The following BTN1A1 variants were observed in gnomAD, a reference collection of about 807,000 sequenced individuals.
BTN1A1 encodes the protein butyrophilin subfamily 1 member A1, also known as bK14H9.2 (butyrophilin, subfamily 1, member A1).
BTN1A1 carries 26 observed loss-of-function variants against 33.1 expected under a neutral mutation model. The ratio of observed to expected loss-of-function variants is 0.79; its 90% CI spans 0.58 to 1.09. The LOEUF (loss-of-function observed/expected upper bound fraction) is 1.09. BTN1A1 is among the 50% of genes least tolerant of loss of function. The pLI is 0.00. For missense variants in BTN1A1, 558 were observed against 655.7 expected (o/e 0.85, Z 1.63); for synonymous variants, 235 against 256.2 (o/e 0.92, Z 0.79).
chr6:26,506,544 G>T, intron 4 of BTN1A1, 139 bp from the exon 5 acceptor site: 1 of 830,674 alleles, frequency 1.2e-6, no homozygotes, highest in Non-Finnish European at 1.9e-6. Context: ...GAGTGGCATT[G>T]GAGTGACTAT....
At chr6:26,505,843 G>T (rs1184251879) in intron 4 of BTN1A1, among the ~76,000 whole-genome samples, 1 of 152,076 alleles carries the variant, frequency 6.6e-6, no homozygotes, top group Non-Finnish European at 1.5e-5. Context: ...AGTTGGCCGG[G>T]CGTGGTGGCT....
chr6:26,501,540 C>T lies in BTN1A1; in HGVS notation c.80-50C>T, dbSNP rs2295593. 0.13 allele frequency: 207,158 copies of T among 1,603,028 alleles called. 14,500 individuals are homozygous for T. Among genetic ancestry groups the T allele is most frequent in the African/African-American group, 0.21 (15,630 of 74,714 alleles). On this transcript the variant is annotated intron_variant, in intron 2 of 7. Coordinates refer to ENST00000684113, the MANE Select transcript of BTN1A1 (RefSeq NM_001732.3). The surrounding 1 kb of genome is among the most constrained non-coding windows in gnomAD (Gnocchi z 5.2). ...TGGCGGGAATCTGGTCGGTGTCTGTCCGTAGTTCCCATCTCCACATCCCGT... is the reference window on the plus strand; with the variant it reads ...TGGCGGGAATCTGGTCGGTGTCTGTTCGTAGTTCCCATCTCCACATCCCGT...
chr6:26,509,257 C>T lies in BTN1A1; in HGVS notation c.*83C>T. The T allele has an allele frequency of 7.8e-7, 1 of 1,283,200 alleles. No homozygotes were observed. Among genetic ancestry groups the T allele is most frequent in the Non-Finnish European group, 1.1e-6 (1 of 926,548 alleles). 79.5% of individuals were successfully genotyped at this position (1,283,200 alleles called of 1,614,324 possible). ...TGAGGCTTCACCTGCTAGCTTTACC[C>T]AGTCTGTTTCTTCCTGTTGGGTGGC... On this transcript the variant is annotated 3_prime_UTR_variant, in exon 8 of 8. Coordinates refer to ENST00000684113, the MANE Select transcript of BTN1A1 (RefSeq NM_001732.3).
At position 26,509,882 on chromosome 6, in the gene BTN1A1, C is replaced by T. The variant is rs1763920652; in HGVS notation, c.*708C>T. The T allele has an allele frequency of 6.6e-6, 1 of 152,226 alleles. No individual in the cohort carries two copies. The highest frequency in any genetic ancestry group is 1.5e-5 in the Non-Finnish European group (1 of 68,038). 9.4% of individuals were successfully genotyped at this position (152,226 alleles called of 1,614,324 possible). On this transcript the variant is annotated 3_prime_UTR_variant, in exon 8 of 8. Transcript: ENST00000684113. ...TTTGACAAAACTCAAAAGTTGTTTG[C>T]ACAGCTGTTCTTTGTACCCTGTTCC...
chr6:26,509,412 A>G lies in BTN1A1; in HGVS notation c.*238A>G. The stretch of plus-strand genomic sequence containing the variant: ...TCAAACTGCTTCTAGTGTTCTCCTA[A>G]TCCCTTAAGACTAGAACCTATAGGA... On this transcript the variant is annotated 3_prime_UTR_variant, in exon 8 of 8. Transcript: ENST00000684113. 7.9e-6 allele frequency: 4 copies of G among 506,514 alleles called. No individual in the cohort carries two copies. The highest frequency in any genetic ancestry group is 1.4e-5 in the Non-Finnish European group (4 of 284,290). 31.4% of individuals were successfully genotyped at this position (506,514 alleles called of 1,614,324 possible).
In BTN1A1 at chr6:26,505,019, G is replaced by C; in HGVS notation, c.522G>C (p.Gln174His). 6.2e-7 allele frequency: 1 copy of C among 1,614,204 alleles called. No homozygotes were observed. ...CTSVGWYPEP[Q>H]VQWRTSKGEK... ...CAGTGGGATGGTACCCAGAGCCCCAGGTGCAGTGGAGAACTTCCAAGGGAG... is the reference window on the plus strand; with the variant it reads ...CAGTGGGATGGTACCCAGAGCCCCACGTGCAGTGGAGAACTTCCAAGGGAG... The change falls in exon 4 of 8, where the codon CAG becomes CAC. Residue 174 changes from glutamine to histidine, a missense_variant. Physicochemically the swap from Gln to His is conservative, Grantham distance 24. Coordinates refer to ENST00000684113, the MANE Select transcript of BTN1A1 (RefSeq NM_001732.3).
At chr6:26,508,477 G>C (rs753825745) in intron 7 of BTN1A1, 24 bp from the exon 8 acceptor site, 7 of 1,593,612 alleles carry the variant, frequency 4.4e-6, no homozygotes, top group Non-Finnish European at 6.0e-6. Flanking sequence ...ACTGATGTCA[G>C]ACCTGCTGTT....
chr6:26,508,159 G>A, intron 7 of BTN1A1, 72 bp downstream of exon 7: 3 of 1,493,190 alleles, frequency 2.0e-6, no homozygotes, highest in Non-Finnish European at 2.7e-6. Context: ...ATGATACTTG[G>A]AAATGAAAAC....
chr6:26,505,746 C>G (rs1404759665), intron 4 of BTN1A1, among the ~76,000 whole-genome samples: 4 of 150,584 alleles, frequency 2.7e-5, no homozygotes, highest in Non-Finnish European at 4.4e-5. Context: ...TTTTCCATTT[C>G]AGGAGATCTA....
intron 4 of BTN1A1, among the ~76,000 whole-genome samples, chr6:26,506,072 T>C (rs1763865995): frequency 6.6e-6 from 1 of 150,478 alleles, no homozygotes. Flanking sequence ...TGAGCTGAGA[T>C]TGCGCCACTG....
chr6:26,502,010 G>A (rs1373989473), intron 3 of BTN1A1, 73 bp downstream of exon 3: 4 of 1,473,716 alleles, frequency 2.7e-6, no homozygotes, highest in Admixed American at 2.5e-5. Context: ...CAGTTACTTT[G>A]GAAACCATCA....
intron 4 of BTN1A1, 141 bp from the exon 5 acceptor site, chr6:26,506,542 T>C: frequency 3.7e-6 from 3 of 815,708 alleles, no homozygotes; most frequent in South Asian, 3.5e-5. Flanking sequence ...TAGAGTGGCA[T>C]TGGAGTGACT....
chr6:26,501,515 T>C lies in BTN1A1; in HGVS notation c.80-75T>C. 2 of 1,595,884 alleles carry C rather than the reference T, an allele frequency of 1.3e-6. No individual in the cohort carries two copies. Among genetic ancestry groups the C allele is most frequent in the Non-Finnish European group, 1.7e-6 (2 of 1,167,442 alleles). ...TAAGAGAGCGCGGGGCACTGCGCTT[T>C]GGCGGGAATCTGGTCGGTGTCTGTC... On this transcript the variant is annotated intron_variant, in intron 2 of 7. Coordinates refer to ENST00000684113, the MANE Select transcript of BTN1A1 (RefSeq NM_001732.3). This position sits in a 1 kb window ranked among gnomAD's most constrained non-coding sequence, Gnocchi z 5.2.
rs1354020211 is a variant in BTN1A1, at chr6:26,506,788, A to G, written c.815A>G (p.Tyr272Cys). The change falls in exon 5 of 8, where the codon TAC (tyrosine) becomes TGC (cysteine). Residue 272 changes from tyrosine (Y) to cysteine (C), a missense_variant. Transcript: ENST00000684113. ...IGSIFFTWRLYNERPRERRNE... is the reference protein window; with the variant it reads ...IGSIFFTWRLCNERPRERRNE... Reference sequence around the variant, plus strand: ...TCCATATTTTTCACTTGGAGACTATACAACGAAAGACCCAGAGAGAGGAGG... The same window carrying G: ...TCCATATTTTTCACTTGGAGACTATGCAACGAAAGACCCAGAGAGAGGAGG... The G allele has an allele frequency of 1.2e-6, 2 of 1,614,182 alleles. No individual in the cohort carries two copies. The highest frequency in any genetic ancestry group is 1.1e-5 in the South Asian group (1 of 91,080).
At chr6:26,502,602 T>A (rs1043335112) in intron 3 of BTN1A1, among the ~76,000 whole-genome samples, 3 of 152,236 alleles carry the variant, frequency 2.0e-5, no homozygotes, top group Non-Finnish European at 1.5e-5. Flanking sequence ...CATTTCTTCA[T>A]GAAATAATTA....
intron 5 of BTN1A1, among the ~76,000 whole-genome samples, chr6:26,507,714 G>T (rs1460132034): frequency 1.3e-5 from 1 of 79,420 alleles, no homozygotes; most frequent in Non-Finnish European, 2.5e-5. Context: ...AACAGAATGA[G>T]ATTCTATAAA....
chr6:26,503,581 A>C (rs1763830592), intron 3 of BTN1A1, among the ~76,000 whole-genome samples: 4 of 150,968 alleles, frequency 2.6e-5, no homozygotes, highest in Admixed American at 2.0e-4. Flanking sequence ...ACTGATCTAA[A>C]ACATATAATA....
In BTN1A1 at chr6:26,501,763, GCCGAGCAGATGC is replaced by G; in HGVS notation, c.259_270del (p.Gln87_Glu90del). The G allele has an allele frequency of 6.2e-7, 1 of 1,613,740 alleles. No homozygotes were observed. Among genetic ancestry groups the G allele is most frequent in the Non-Finnish European group, 8.5e-7 (1 of 1,179,966 alleles). ...GCATAGGGACGGGCGCGAGCAGGAA[GCCGAGCAGATGC>G]CCGAGTACCGCGGGCGGGCGACGCT... is the stretch of plus-strand genomic sequence containing the variant. On this transcript the variant is annotated inframe_deletion, in exon 3 of 8. Coordinates refer to ENST00000684113, the MANE Select transcript of BTN1A1 (RefSeq NM_001732.3). This position sits in a 1 kb window ranked among gnomAD's most constrained non-coding sequence, Gnocchi z 5.2.
At position 26,509,054 on chromosome 6, in the gene BTN1A1, T is replaced by C. The variant is rs1763910460; in HGVS notation, c.1461T>C (p.Asn487=). The C allele has an allele frequency of 4.3e-6, 7 of 1,614,234 alleles. No homozygotes were observed. The highest frequency in any genetic ancestry group is 5.9e-6 in the Non-Finnish European group (7 of 1,180,046). Residue 487 remains asparagine (N), a synonymous_variant, in exon 8 of 8, where the codon AAT becomes AAC. Coordinates refer to ENST00000684113, the MANE Select transcript of BTN1A1 (RefSeq NM_001732.3). Reference sequence around the variant, plus strand: ...CTGAGAGGGTCACAGTCATTGCTAATGCCCAGGACCTTTCTAAGGAGATCC... The same window carrying C: ...CTGAGAGGGTCACAGTCATTGCTAACGCCCAGGACCTTTCTAAGGAGATCC... ...DGPERVTVIA[N]AQDLSKEIPL...
Sources: allele counts gnomAD v4.1 joint callset (sites outside exome capture counted in the v4.1 genomes callset), GRCh38; gene constraint gnomAD v4.1.1; non-coding constraint Gnocchi (gnomAD v3.1); transcripts MANE v1.5; gene names NCBI Gene and HGNC (gene_info 2026-07-23, HGNC 2026-07-21).